The following NELL1 variants were observed in gnomAD, a reference collection of about 807,000 sequenced individuals.
NELL1 encodes neural EGFL like 1, also known as protein kinase C-binding protein NELL1.
In NELL1, 76 loss-of-function variants were observed where a neutral mutation model predicts 107.4. That is an observed-to-expected ratio of 0.71 (90% CI 0.59 to 0.86). The LOEUF (loss-of-function observed/expected upper bound fraction) is 0.86. NELL1 is among the 40% of genes least tolerant of loss of function. NELL1 has a pLI of 0.00. For missense variants in NELL1, 1,024 were observed against 1,005.5 expected (o/e 1.02, Z -0.25); for synonymous variants, 353 against 341.2 (o/e 1.03, Z -0.38).
intron 12 of NELL1, among the ~76,000 whole-genome samples, chr11:21,112,828 C>A (rs1195953946): frequency 6.6e-6 from 1 of 151,976 alleles, no homozygotes; most frequent in Non-Finnish European, 1.5e-5. Context: ...CTTTCTCTAA[C>A]CATCACACAC....
At chr11:21,410,083 T>C (rs950343305) in intron 15 of NELL1, among the ~76,000 whole-genome samples, 26 of 152,086 alleles carry the variant, frequency 1.7e-4, no homozygotes, top group African/African-American at 5.8e-4. Flanking sequence ...TTCAATGTTC[T>C]TAACTATTTT....
chr11:20,790,807 C>T (rs1017943303), intron 3 of NELL1, among the ~76,000 whole-genome samples: 1 of 152,296 alleles, frequency 6.6e-6, no homozygotes, highest in Non-Finnish European at 1.5e-5. Context: ...AGGGGCGGGG[C>T]TTCTGCTTTT....
At chr11:20,715,859 C>G (rs1019771175) in intron 2 of NELL1, among the ~76,000 whole-genome samples, 4 of 151,932 alleles carry the variant, frequency 2.6e-5, no homozygotes, top group Non-Finnish European at 4.4e-5. Context: ...TTCAATGTAG[C>G]CTTTGTGGAT....
intron 12 of NELL1, among the ~76,000 whole-genome samples, chr11:21,084,129 TGTAA>T (rs998227289): frequency 1.3e-5 from 2 of 152,116 alleles, no homozygotes; most frequent in Non-Finnish European, 2.9e-5. Context: ...ATTGAAATAT[TGTAA>T]GTAAGAGATG....
Position 21,438,266 on chromosome 11 carries a change from TG to T in NELL1, c.1645+67319del, listed in dbSNP as rs747947450. ...CAGTATTCTTACATGACAGTTTTTT[TG>T]TTTGTTTGTTTCTTTGTTTCAGCAC... On this transcript the variant is annotated intron_variant, in intron 15 of 19. Coordinates refer to ENST00000357134, the MANE Select transcript of NELL1 (RefSeq NM_006157.5). 2.9e-3 allele frequency among the ~76,000 whole-genome samples: 435 copies of T among 148,560 alleles called. 1 individual carries two copies. Among genetic ancestry groups the T allele is most frequent in the African/African-American group, 9.0e-3 (359 of 39,908 alleles).
intron 15 of NELL1, among the ~76,000 whole-genome samples, chr11:21,412,065 A>G (rs1188770804): frequency 1.3e-5 from 2 of 152,120 alleles, no homozygotes; most frequent in Non-Finnish European, 2.9e-5. Context: ...TTTGAAGTAC[A>G]GTGCTGGCAA....
intron 13 of NELL1, among the ~76,000 whole-genome samples, chr11:21,144,458 T>C (rs972143565): frequency 6.6e-6 from 1 of 152,168 alleles, no homozygotes; most frequent in African/African-American, 2.4e-5. Flanking sequence ...TACAAAACAA[T>C]GCATATAAAG....
chr11:21,008,146 C>T (rs561016931), intron 12 of NELL1, among the ~76,000 whole-genome samples: 13 of 152,224 alleles, frequency 8.5e-5, no homozygotes, highest in Middle Eastern at 3.4e-3. Context: ...CTCTGAATCC[C>T]CAAATAATTA....
chr11:21,216,743 T>A (rs904959745), intron 13 of NELL1, among the ~76,000 whole-genome samples: 10 of 152,202 alleles, frequency 6.6e-5, no homozygotes, highest in African/African-American at 2.4e-4. Flanking sequence ...CCCCATTGTA[T>A]CTAAGAAATA....
intron 14 of NELL1, among the ~76,000 whole-genome samples, chr11:21,296,300 A>G (rs904704236): frequency 1.3e-5 from 2 of 151,928 alleles, no homozygotes; most frequent in Non-Finnish European, 2.9e-5. Flanking sequence ...AAATTTTAAA[A>G]AAAGACCAAA....
In NELL1 at chr11:20,706,911, T is replaced by C. The variant is rs1426734326; in HGVS notation, c.184+28851T>C. Reference sequence around the variant, plus strand: ...GTGGCGTTCTCTGTATTTCCTGAATTTGAATGTTGGCCTGCCTTGTTAGGT... The same window carrying C: ...GTGGCGTTCTCTGTATTTCCTGAATCTGAATGTTGGCCTGCCTTGTTAGGT... On this transcript the variant is annotated intron_variant, in intron 2 of 19. Transcript: ENST00000357134. Among the ~76,000 whole-genome samples, 21 of 152,300 alleles carry C rather than the reference T, an allele frequency of 1.4e-4. No individual in the cohort carries two copies. In the East Asian group the frequency reaches 4.1e-3, roughly 29 times the overall value.
intron 4 of NELL1, among the ~76,000 whole-genome samples, chr11:20,883,188 G>C (rs964765363): frequency 1.3e-5 from 2 of 152,202 alleles, no homozygotes; most frequent in Non-Finnish European, 2.9e-5. Flanking sequence ...GTGTCTTTGT[G>C]GGGGCTGTAT....
chr11:20,943,003 A>G (rs1850886391), intron 10 of NELL1, among the ~76,000 whole-genome samples: 1 of 150,114 alleles, frequency 6.7e-6, no homozygotes, highest in Non-Finnish European at 1.5e-5. Context: ...ATCACTTACT[A>G]CTATTACTGG....
chr11:20,678,140 TTGTC>T, intron 2 of NELL1, 80 bp downstream of exon 2: 1 of 1,511,960 alleles, frequency 6.6e-7, no homozygotes, highest in Non-Finnish European at 9.2e-7. Context: ...TGTTGTGTGT[TTGTC>T]TGGAGATCGC....
intron 12 of NELL1, among the ~76,000 whole-genome samples, chr11:21,099,176 G>A (rs1410456705): frequency 7.0e-6 from 1 of 143,738 alleles, no homozygotes; most frequent in Non-Finnish European, 1.5e-5. Flanking sequence ...CAATTTATTG[G>A]AAAAAGACAC....
At chr11:21,350,730 G>A (rs1227713024) in intron 14 of NELL1, among the ~76,000 whole-genome samples, 2 of 152,158 alleles carry the variant, frequency 1.3e-5, no homozygotes, top group East Asian at 3.8e-4. Context: ...GACACCATCT[G>A]TATGTTTCAG....
At chr11:20,784,639 G>A (rs1245704779) in intron 3 of NELL1, among the ~76,000 whole-genome samples, 1 of 152,152 alleles carries the variant, frequency 6.6e-6, no homozygotes, top group East Asian at 1.9e-4. Context: ...TAGGCAATGG[G>A]TTTTAAGTTT....
intron 14 of NELL1, among the ~76,000 whole-genome samples, chr11:21,321,787 C>T (rs1039970727): frequency 3.9e-5 from 6 of 152,224 alleles, no homozygotes; most frequent in Non-Finnish European, 8.8e-5. Context: ...ATGCATCAAT[C>T]TCCTGCACAG....
At chr11:21,559,826 C>T (rs1397504403) in intron 16 of NELL1, among the ~76,000 whole-genome samples, 1 of 152,022 alleles carries the variant, frequency 6.6e-6, no homozygotes. Flanking sequence ...TGGATGAAAT[C>T]GTTCTTAAGA....
Sources: allele counts gnomAD v4.1 joint callset (sites outside exome capture counted in the v4.1 genomes callset), GRCh38; gene constraint gnomAD v4.1.1; transcripts MANE v1.5; gene names NCBI Gene and HGNC (gene_info 2026-07-23, HGNC 2026-07-21).